POLR3A: variants seen among roughly 807,000 people sequenced by gnomAD.
POLR3A encodes the protein RNA polymerase III subunit A.
In POLR3A, 112 loss-of-function variants were observed where a neutral mutation model predicts 152.8. That is an observed-to-expected ratio of 0.73 (90% CI 0.63 to 0.86). The LOEUF is 0.86. Ranked by LOEUF, POLR3A falls within the 40% of genes least tolerant of loss-of-function variation. The pLI, the probability that POLR3A is intolerant of heterozygous loss-of-function variation, is 0.00. For synonymous variants in POLR3A, 615 were observed against 652.1 expected (o/e 0.94, Z 0.87); for missense variants, 1,385 against 1,743.1 (o/e 0.79, Z 3.66).
chr10:78,005,297 G>C (rs1309305779), intron 15 of POLR3A, among the ~76,000 whole-genome samples: 1 of 152,208 alleles, frequency 6.6e-6, no homozygotes, highest in Non-Finnish European at 1.5e-5. Context: ...AGATGTTTGT[G>C]ATCAGCCTCA....
intron 9 of POLR3A, among the ~76,000 whole-genome samples, chr10:78,018,955 T>C (rs1439333507): frequency 6.6e-6 from 1 of 152,150 alleles, no homozygotes; most frequent in African/African-American, 2.4e-5. Flanking sequence ...ATTACAAGCC[T>C]GAGAACAAAG....
At chr10:78,021,733 T>C in intron 7 of POLR3A, 51 bp from the exon 8 acceptor site, 2 of 1,612,996 alleles carry the variant, frequency 1.2e-6, no homozygotes, top group South Asian at 1.1e-5. Flanking sequence ...CATGTGCTCA[T>C]GGGAACAATA....
chr10:78,013,885 T>A (rs2131952669), intron 10 of POLR3A, 95 bp from the exon 11 acceptor site: 1 of 1,377,666 alleles, frequency 7.3e-7, no homozygotes, highest in Non-Finnish European at 1.0e-6. Context: ...CTTCCTGGAA[T>A]ACTGGGCACT....
At chr10:78,001,457 CAG>C (rs746774400) in intron 17 of POLR3A, among the ~76,000 whole-genome samples, 8 of 151,800 alleles carry the variant, frequency 5.3e-5, no homozygotes, top group Non-Finnish European at 1.0e-4. Context: ...GAAGCAAAGA[CAG>C]AGAAATGGAA....
rs1847483854 is a variant in POLR3A, at chr10:78,013,218, T to C, written c.1572+432A>G. 3 of 279,174 alleles carry C rather than the reference T, an allele frequency of 1.1e-5. No homozygotes were observed. The South Asian group carries it at 1.2e-4, about 11-fold the overall frequency. The allele number at this position is 279,174 out of a possible 1,614,324, so 17.3% of individuals were successfully genotyped here. A position where few individuals can be genotyped will look rare whatever the true frequency, so the allele number is the denominator to read the frequency against. ...GTAATATAGTTTAGGAAGGTTTCCA[T>C]TCAGAATGTTCAATAAAATGTGCTG... On this transcript the variant is annotated intron_variant, in intron 11 of 30. Transcript: ENST00000372371.
At chr10:77,995,968 A>G (rs1269931714) in intron 19 of POLR3A, among the ~76,000 whole-genome samples, 1 of 152,218 alleles carries the variant, frequency 6.6e-6, no homozygotes, top group Non-Finnish European at 1.5e-5. Context: ...TGTCTCTCAG[A>G]CCACAGTGCA....
chr10:77,983,128 C>T (rs1847164746), intron 26 of POLR3A, among the ~76,000 whole-genome samples: 1 of 152,134 alleles, frequency 6.6e-6, no homozygotes, highest in South Asian at 2.1e-4. Context: ...GGTTGGAGGC[C>T]AGGCTAATTA....
intron 30 of POLR3A, among the ~76,000 whole-genome samples, chr10:77,979,212 G>C (rs1847116875): frequency 6.6e-6 from 1 of 152,148 alleles, no homozygotes; most frequent in Non-Finnish European, 1.5e-5. Context: ...GCAAAAAATG[G>C]GTATATACTC....
In POLR3A at chr10:78,026,129, C is replaced by T. The variant is rs2131961943; in HGVS notation, c.145G>A (p.Ala49Thr). The stretch of plus-strand genomic sequence containing the variant: ...TCGAGCACCCCATATAGCAAGGGGG[C>T]ATGTTGGTTGTCCTGGCTGTACAGG... Reference protein sequence around the residue: ...KNLYSQDNQHAPLLYGVLDHR... With the variant: ...KNLYSQDNQHTPLLYGVLDHR... Residue 49 changes from alanine to threonine, a missense_variant, in exon 2 of 31, where the codon GCC becomes ACC. Physicochemically the swap from Ala to Thr is moderately conservative, Grantham distance 58 (BLOSUM62 0). Around this residue, in one of 7 missense-constraint regions of POLR3A, gnomAD observed 493 missense variants for 647.5 expected, o/e 0.76. Coordinates refer to ENST00000372371, the MANE Select transcript of POLR3A (RefSeq NM_007055.4). 6.2e-7 allele frequency: 1 copy of T among 1,614,196 alleles called. No homozygotes were observed.
At position 78,006,395 on chromosome 10, in the gene POLR3A, CAAAAAAA is replaced by C. The variant is rs36050560; in HGVS notation, c.2074+1300_2074+1306del. ...CTGGCGACTGAGCAAGACTCTGTCT[CAAAAAAA>C]AAAAAAAAAAAAAAAAAAAGAAACA... On this transcript the variant is annotated intron_variant, in intron 15 of 30. Coordinates refer to ENST00000372371, the MANE Select transcript of POLR3A (RefSeq NM_007055.4). Among the ~76,000 whole-genome samples, 82 of 21,934 alleles carry C rather than the reference CAAAAAAA, an allele frequency of 3.7e-3. 1 individual carries two copies. The highest frequency in any genetic ancestry group is 8.6e-3 in the Non-Finnish European group (69 of 8,022). 14.4% of individuals were successfully genotyped at this position (21,934 alleles called of 152,430 possible).
At chr10:78,020,161 G>GAGA (rs1847564433) in intron 8 of POLR3A, 1 of 132,268 alleles carries the variant, frequency 7.6e-6, no homozygotes, top group South Asian at 2.5e-4. Context: ...GCAATAGAGT[G>GAGA]AGACTCAGTC....
intron 30 of POLR3A, among the ~76,000 whole-genome samples, chr10:77,979,559 C>T (rs896921171): frequency 6.6e-6 from 1 of 152,200 alleles, no homozygotes; most frequent in Non-Finnish European, 1.5e-5. Flanking sequence ...CATGTTTTGT[C>T]GAGTGGCGGG....
At chr10:77,980,003 A>G in intron 30 of POLR3A, 138 bp downstream of exon 30, 2 of 812,912 alleles carry the variant, frequency 2.5e-6, no homozygotes, top group Non-Finnish European at 2.1e-6. Flanking sequence ...AGCAGTTCCA[A>G]TTCGTGTCTA....
chr10:78,009,441 T>G lies in POLR3A; in HGVS notation c.1909+96A>C. The G allele has an allele frequency of 3.2e-6, 5 of 1,546,546 alleles. No individual in the cohort carries two copies. In the South Asian group the frequency reaches 5.6e-5, roughly 17 times the overall value. ...CCTAAGGCTTACAGAAACAATGAATTTGCTTGCTTCGCGAAGGTACCAGCA... is the reference window on the plus strand; with the variant it reads ...CCTAAGGCTTACAGAAACAATGAATGTGCTTGCTTCGCGAAGGTACCAGCA... On this transcript the variant is annotated intron_variant, in intron 14 of 30. Transcript: ENST00000372371.
At position 77,982,253 on chromosome 10, in the gene POLR3A, C is replaced by T. The variant is rs141312907; in HGVS notation, c.3660G>A (p.Lys1220=). Residue 1220 remains lysine, a synonymous_variant, in exon 28 of 31, where the codon AAG becomes AAA. Transcript: ENST00000372371. ...CTTCCACCAGAAGCTTGTACTTCTC[C>T]TTTCCACTCTGCTCGTCAATGTGGA... ...AVIHIDEQSG[K]EKYKLLVEGD... is the part of the protein sequence containing the mutation. The T allele has an allele frequency of 4.8e-3, 7,703 of 1,613,880 alleles. 28 individuals are homozygous for T. Among genetic ancestry groups the T allele is most frequent in the Non-Finnish European group, 6.1e-3 (7,206 of 1,179,908 alleles).
At chr10:77,999,948 C>T (rs1314345338) in intron 19 of POLR3A, 33 bp downstream of exon 19, 2 of 1,610,420 alleles carry the variant, frequency 1.2e-6, no homozygotes, top group Non-Finnish European at 1.7e-6. Flanking sequence ...CTGTCCTGCT[C>T]TGTTGCTAAT....
rs1247188487 is a variant in POLR3A, at chr10:78,021,647, C to T, written c.1084G>A (p.Asp362Asn). The change falls in exon 8 of 31, where the codon GAT becomes AAT. Residue 362 changes from aspartate to asparagine, a missense_variant. This residue lies in a region of POLR3A where 493 missense variants were observed against 647.5 expected (regional missense o/e 0.76). Transcript: ENST00000372371. ...GAGATGACTGTTCTGCCAGAAAAAT[C>T]CACTCTCTTTCCTGAGAGATTTCCT... is the stretch of plus-strand genomic sequence containing the variant. ...FRGNLSGKRV[D>N]FSGRTVISPD... 1.9e-6 allele frequency: 3 copies of T among 1,613,950 alleles called. No individual in the cohort carries two copies. The highest frequency in any genetic ancestry group is 3.3e-5 in the Admixed American group (2 of 59,998).
At chr10:77,985,840 A>T in intron 23 of POLR3A, 63 bp downstream of exon 23, 2 of 1,220,548 alleles carry the variant, frequency 1.6e-6, no homozygotes, top group Non-Finnish European at 2.4e-6. Flanking sequence ...ACACATGGGG[A>T]AACAGAAGGG....
intron 30 of POLR3A, among the ~76,000 whole-genome samples, chr10:77,978,951 C>T (rs541880193): frequency 9.9e-5 from 15 of 152,094 alleles, no homozygotes; most frequent in African/African-American, 3.6e-4. Context: ...CGTGAGCCAC[C>T]GCGCCCGGCC....
Sources: allele counts gnomAD v4.1 joint callset (sites outside exome capture counted in the v4.1 genomes callset), GRCh38; gene constraint gnomAD v4.1.1; regional missense constraint gnomAD v4.1.1; transcripts MANE v1.5; gene names NCBI Gene and HGNC (gene_info 2026-07-23, HGNC 2026-07-21).